The following NALF1 variants were observed in gnomAD, a reference collection of about 807,000 sequenced individuals.
NALF1 encodes the protein family with sequence similarity 155 member A.
NALF1 carries 3 observed loss-of-function variants against 48.4 expected under a neutral mutation model. The ratio of observed to expected loss-of-function variants is 0.06; its 90% CI spans 0.03 to 0.16. The LOEUF is 0.16. Ranked by LOEUF, NALF1 falls within the 10% of genes least tolerant of loss-of-function variation. The pLI is 1.00. For synonymous variants in NALF1, 262 were observed against 245.7 expected (o/e 1.07, Z -0.62); for missense variants, 526 against 571.5 (o/e 0.92, Z 0.81).
At chr13:107,794,778 A>G (rs1878364053) in intron 1 of NALF1, among the ~76,000 whole-genome samples, 1 of 152,106 alleles carries the variant, frequency 6.6e-6, no homozygotes, top group South Asian at 2.1e-4. Flanking sequence ...AGCACTGAAT[A>G]ATTATTTTTA....
At chr13:107,808,771 C>T (rs1878892592) in intron 1 of NALF1, among the ~76,000 whole-genome samples, 1 of 151,996 alleles carries the variant, frequency 6.6e-6, no homozygotes. Flanking sequence ...CCCGATATCT[C>T]ACAAAATGTA....
intron 1 of NALF1, among the ~76,000 whole-genome samples, chr13:107,750,537 A>G (rs977704665): frequency 3.3e-5 from 5 of 152,122 alleles, no homozygotes; most frequent in Admixed American, 6.6e-5. Flanking sequence ...AGAAAGAAAA[A>G]GAAAAAATAG....
chr13:107,834,493 C>A (rs1232350080), intron 1 of NALF1, among the ~76,000 whole-genome samples: 1 of 152,140 alleles, frequency 6.6e-6, no homozygotes, highest in Non-Finnish European at 1.5e-5. Flanking sequence ...AGAGAGTAGT[C>A]ATCAGAGTAC....
Position 107,360,308 on chromosome 13 carries a change from C to T in NALF1, c.916-149553G>A, listed in dbSNP as rs549095615. 7.2e-5 allele frequency among the ~76,000 whole-genome samples: 11 copies of T among 152,250 alleles called. No individual in the cohort carries two copies. In the South Asian group the frequency reaches 8.3e-4, roughly 11 times the overall value. Reference sequence around the variant, plus strand: ...CAGCACAATTTCCACTAAACCACAACGCTCAGATCCCCAAAGAATTCAGAC... The same window carrying T: ...CAGCACAATTTCCACTAAACCACAATGCTCAGATCCCCAAAGAATTCAGAC... On this transcript the variant is annotated intron_variant, in intron 1 of 2. Transcript: ENST00000375915.
intron 1 of NALF1, among the ~76,000 whole-genome samples, chr13:107,510,636 T>C (rs1381164864): frequency 6.6e-6 from 1 of 152,184 alleles, no homozygotes; most frequent in Non-Finnish European, 1.5e-5. Flanking sequence ...GTTGAGAAAG[T>C]AAAAAGCTAG....
At chr13:107,293,202 G>T (rs899995302) in intron 1 of NALF1, among the ~76,000 whole-genome samples, 1 of 151,614 alleles carries the variant, frequency 6.6e-6, no homozygotes, top group Admixed American at 6.6e-5. Flanking sequence ...GGATGCTCTC[G>T]ATCTCCTGAC....
chr13:107,301,236 A>G (rs1881831291), intron 1 of NALF1, among the ~76,000 whole-genome samples: 1 of 152,204 alleles, frequency 6.6e-6, no homozygotes, highest in African/African-American at 2.4e-5. Context: ...AGCCTGTTCA[A>G]CATCCATCCA....
At chr13:107,635,044 C>T (rs1331228741) in intron 1 of NALF1, among the ~76,000 whole-genome samples, 4 of 152,114 alleles carry the variant, frequency 2.6e-5, no homozygotes, top group African/African-American at 4.8e-5. Flanking sequence ...TTAGTACACA[C>T]AAGCAATAAT....
chr13:107,215,392 C>T (rs986919797), intron 1 of NALF1, among the ~76,000 whole-genome samples: 15 of 152,000 alleles, frequency 9.9e-5, no homozygotes, highest in Middle Eastern at 3.4e-3. Flanking sequence ...GCTGAGAATC[C>T]CTTGGTCACA....
At chr13:107,530,932 A>G (rs753618974) in intron 1 of NALF1, among the ~76,000 whole-genome samples, 2 of 152,024 alleles carry the variant, frequency 1.3e-5, no homozygotes, top group African/African-American at 2.4e-5. Flanking sequence ...TGTGATTTTT[A>G]GTGGAAACAT....
At chr13:107,623,239 ATCT>A (rs1388555795) in intron 1 of NALF1, among the ~76,000 whole-genome samples, 2 of 152,182 alleles carry the variant, frequency 1.3e-5, no homozygotes, top group Admixed American at 6.5e-5. Flanking sequence ...ATGTTTAGAA[ATCT>A]TCTACTGTTT....
chr13:107,842,520 A>C (rs1880069248), intron 1 of NALF1, among the ~76,000 whole-genome samples: 1 of 151,906 alleles, frequency 6.6e-6, no homozygotes, highest in Admixed American at 6.6e-5. Context: ...GTGGTAAAGT[A>C]TCTTTAGAGT....
chr13:107,782,748 C>T (rs1232355061), intron 1 of NALF1, among the ~76,000 whole-genome samples: 1 of 146,994 alleles, frequency 6.8e-6, no homozygotes, highest in African/African-American at 2.5e-5. Context: ...GGTCGCGACC[C>T]CGTCTGGGAG....
intron 1 of NALF1, among the ~76,000 whole-genome samples, chr13:107,212,065 A>T (rs894776834): frequency 2.6e-5 from 4 of 152,228 alleles, no homozygotes; most frequent in Non-Finnish European, 4.4e-5. Context: ...TAAAGCACTT[A>T]TGAAATCACA....
intron 1 of NALF1, among the ~76,000 whole-genome samples, chr13:107,320,064 T>C (rs2037160111): frequency 6.6e-6 from 1 of 152,116 alleles, no homozygotes; most frequent in African/African-American, 2.4e-5. Flanking sequence ...AACCATGGTA[T>C]ATTGAGATAT....
chr13:107,711,950 A>T (rs1875605601), intron 1 of NALF1, among the ~76,000 whole-genome samples: 1 of 152,172 alleles, frequency 6.6e-6, no homozygotes, highest in Admixed American at 6.5e-5. Context: ...AACTACACAG[A>T]CATCAGGCAA....
intron 1 of NALF1, among the ~76,000 whole-genome samples, chr13:107,240,938 C>T (rs1484618227): frequency 6.7e-6 from 1 of 148,468 alleles, no homozygotes; most frequent in Non-Finnish European, 1.5e-5. Context: ...ATGCCTGAGA[C>T]TGGGAAATTT....
At chr13:107,627,220 G>A (rs1820799824) in intron 1 of NALF1, among the ~76,000 whole-genome samples, 1 of 152,032 alleles carries the variant, frequency 6.6e-6, no homozygotes, top group Non-Finnish European at 1.5e-5. Flanking sequence ...TTTCTCACAG[G>A]AAATAATATA....
At chr13:107,449,461 G>C (rs988805322) in intron 1 of NALF1, among the ~76,000 whole-genome samples, 1 of 152,104 alleles carries the variant, frequency 6.6e-6, no homozygotes, top group Non-Finnish European at 1.5e-5. Flanking sequence ...GGGTGTATTT[G>C]GACGACAAAA....
Sources: gnomAD v4.1 joint callset for allele counts (sites outside exome capture counted in the v4.1 genomes callset) on GRCh38, gnomAD v4.1.1 for gene constraint, MANE v1.5 for transcripts, NCBI Gene and HGNC (gene_info 2026-07-23, HGNC 2026-07-21) for gene names.